Variants in DNAH17 observed in about 807,000 individuals in gnomAD.
The protein encoded by DNAH17 is dynein axonemal heavy chain 17.
A neutral mutation model predicts 485.6 loss-of-function variants in DNAH17; 376 were observed. That is an observed-to-expected ratio of 0.77 (90% CI 0.71 to 0.84). DNAH17 has a LOEUF of 0.84. Among genes scored for constraint, DNAH17 ranks in the 40% least tolerant of loss-of-function variants. The probability of loss-of-function intolerance (pLI) is 0.00; values close to 1 mark genes in which losing one functional copy is unlikely to be tolerated. For synonymous variants in DNAH17, 3,031 were observed against 2,405.9 expected (o/e 1.26, Z -7.60); for missense variants, 6,370 against 5,839.3 (o/e 1.09, Z -2.96).
In DNAH17 at chr17:78,454,537, G is replaced by T; in HGVS notation, c.10339C>A (p.Gln3447Lys). The change falls in exon 64 of 81, where the codon CAA (glutamine) becomes AAA (lysine). Residue 3447 changes from glutamine to lysine, a missense_variant. Coordinates refer to ENST00000389840, the MANE Select transcript of DNAH17 (RefSeq NM_173628.4). ...RWPLIVDAQL[Q>K]GIKWIKNKYR... ...TTGTTTTTGATCCACTTGATTCCTTGGAGCTGGGCGTCCACGATCAGCGGC... is the reference window on the plus strand; with the variant it reads ...TTGTTTTTGATCCACTTGATTCCTTTGAGCTGGGCGTCCACGATCAGCGGC... 1 of 1,613,530 alleles carries T rather than the reference G, an allele frequency of 6.2e-7. No individual in the cohort carries two copies. Among genetic ancestry groups the T allele is most frequent in the African/African-American group, 1.3e-5 (1 of 75,006 alleles).
chr17:78,570,469 T>TC (rs1192749740), intron 6 of DNAH17, 97 bp from the exon 7 acceptor site: 1 of 1,447,004 alleles, frequency 6.9e-7, no homozygotes, highest in Admixed American at 2.3e-5. Flanking sequence ...TCACTGGGTA[T>TC]CCAGCAGAGG....
At position 78,495,158 on chromosome 17, in the gene DNAH17, C is replaced by T. The variant is rs1437821454; in HGVS notation, c.5904-61G>A. 4.6e-6 allele frequency: 7 copies of T among 1,509,990 alleles called. No individual in the cohort carries two copies. The Admixed American group carries it at 1.0e-4, about 22-fold the overall frequency. 93.5% of individuals were successfully genotyped at this position (1,509,990 alleles called of 1,614,324 possible). ...ACTCCCTCCCCAACCTACACCCCTG[C>T]CTGTCCCTCTTCACCTAGGAGAGCA... On this transcript the variant is annotated intron_variant, in intron 38 of 80. Transcript: ENST00000389840.
intron 58 of DNAH17, 106 bp from the exon 59 acceptor site, chr17:78,460,363 C>CACGTGCATGAGTGTATGTGTGCATAT: frequency 6.4e-6 from 1 of 156,326 alleles, no homozygotes. Context: ...TGCATGTATG[C>CACGTGCATGAGTGTATGTGTGCATAT]ACGTGCATGA....
intron 44 of DNAH17, among the ~76,000 whole-genome samples, chr17:78,488,583 G>A (rs532309060): frequency 7.2e-5 from 11 of 151,960 alleles, no homozygotes; most frequent in South Asian, 2.1e-4. Flanking sequence ...TCAGTTCCCC[G>A]GACATTGTCT....
At chr17:78,520,503 G>A (rs1172671205) in intron 25 of DNAH17, among the ~76,000 whole-genome samples, 1 of 152,216 alleles carries the variant, frequency 6.6e-6, no homozygotes, top group African/African-American at 2.4e-5. Flanking sequence ...CCTAGAACTA[G>A]TAAGTGAGTT....
intron 79 of DNAH17, 22 bp downstream of exon 79, chr17:78,426,435 T>G (rs1420253654): frequency 6.3e-7 from 1 of 1,575,714 alleles, no homozygotes; most frequent in Non-Finnish European, 8.6e-7. Context: ...TTAGGAAGCC[T>G]CTCAGAGAAA....
Position 78,513,536 on chromosome 17 carries a change from A to G in DNAH17, c.4113+1238T>C, listed in dbSNP as rs2090693566. On this transcript the variant is annotated intron_variant, in intron 26 of 80. Transcript: ENST00000389840. Reference sequence around the variant, plus strand: ...CTGCAACCTCCACCTCCCAGGTTCAAGCGATTCTCCTGCCTCAGCCACGCA... The same window carrying G: ...CTGCAACCTCCACCTCCCAGGTTCAGGCGATTCTCCTGCCTCAGCCACGCA... Among the ~76,000 whole-genome samples, 3 of 152,116 alleles carry G rather than the reference A, an allele frequency of 2.0e-5. No homozygotes were observed. The South Asian group carries it at 6.2e-4, about 32-fold the overall frequency.
At chr17:78,477,927 C>G (rs1394926770) in intron 51 of DNAH17, among the ~76,000 whole-genome samples, 4 of 149,190 alleles carry the variant, frequency 2.7e-5, no homozygotes, top group Non-Finnish European at 5.9e-5. Context: ...ACCATCACCA[C>G]CATCATCACC....
At chr17:78,480,634 A>C (rs757636107) in intron 49 of DNAH17, 50 bp downstream of exon 49, 9 of 1,499,608 alleles carry the variant, frequency 6.0e-6, no homozygotes, top group South Asian at 1.2e-5. Flanking sequence ...TGCCAGAAGC[A>C]AGCCTCAGAC....
intron 38 of DNAH17, 50 bp downstream of exon 38, chr17:78,495,825 G>A (rs2090050207): frequency 1.3e-6 from 2 of 1,582,090 alleles, no homozygotes; most frequent in Admixed American, 1.7e-5. Flanking sequence ...GGACGTTGCT[G>A]TGGCCGGCCT....
intron 75 of DNAH17, among the ~76,000 whole-genome samples, chr17:78,430,163 G>T (rs1008252574): frequency 6.6e-6 from 1 of 152,284 alleles, no homozygotes; most frequent in South Asian, 2.1e-4. Context: ...TGTTCTTCCC[G>T]CCTCCATGTG....
rs1298984021 is a variant in DNAH17, at chr17:78,574,781, T to C, written c.277A>G (p.Arg93Gly). Residue 93 changes from arginine (R) to glycine (G), a missense_variant, in exon 2 of 81, where the codon AGG becomes GGG. Transcript: ENST00000389840. Reference protein sequence around the residue: ...KSENINKDNYRARLLYGDISP... With the variant: ...KSENINKDNYGARLLYGDISP... ...ATGTCGCCGTAAAGGAGCCGGGCCC[T>C]GTAGTTGTCCTTGTTGATGTTCTCG... is the stretch of plus-strand genomic sequence containing the variant. 6.2e-7 allele frequency: 1 copy of C among 1,613,960 alleles called. No homozygotes were observed. Among genetic ancestry groups the C allele is most frequent in the African/African-American group, 1.3e-5 (1 of 75,036 alleles).
chr17:78,538,064 C>G (rs2091424350), intron 18 of DNAH17, among the ~76,000 whole-genome samples: 1 of 145,236 alleles, frequency 6.9e-6, no homozygotes, highest in East Asian at 2.0e-4. Flanking sequence ...CGCTTGAACC[C>G]AAGAGGCGGA....
chr17:78,458,501 G>A (rs1328239170), intron 62 of DNAH17, 64 bp downstream of exon 62: 22 of 1,401,260 alleles, frequency 1.6e-5, no homozygotes, highest in South Asian at 2.3e-5. Context: ...CAAGGCAGTT[G>A]TGTGGGCTTG....
rs190800238 is a variant in DNAH17, at chr17:78,509,609, C to T, written c.4236+775G>A. Among the ~76,000 whole-genome samples, 745 of 152,166 alleles carry T rather than the reference C, an allele frequency of 4.9e-3. 4 individuals are homozygous for T. Among genetic ancestry groups the T allele is most frequent in the Admixed American group, 9.0e-3 (138 of 15,280 alleles). ...ACAGGCTGAGGAGAGAGATTTGAAC[C>T]GCAAAAGGAGTTTTCCTGGATACTG... On this transcript the variant is annotated intron_variant, in intron 27 of 80. Coordinates refer to ENST00000389840, the MANE Select transcript of DNAH17 (RefSeq NM_173628.4).
intron 19 of DNAH17, among the ~76,000 whole-genome samples, chr17:78,535,168 G>A (rs904233029): frequency 9.8e-5 from 15 of 152,330 alleles, no homozygotes; most frequent in Admixed American, 3.9e-4. Flanking sequence ...AGCTCTGTCT[G>A]CAGCAACCGT....
At chr17:78,571,537 C>T (rs530514103) in intron 4 of DNAH17, 53 bp downstream of exon 4, 51 of 1,599,258 alleles carry the variant, frequency 3.2e-5, no homozygotes, top group East Asian at 2.0e-4. Context: ...GAGCTCGGCC[C>T]GGTCGCCCAG....
At chr17:78,516,990 C>A (rs796722692) in intron 25 of DNAH17, among the ~76,000 whole-genome samples, 33 of 152,298 alleles carry the variant, frequency 2.2e-4, no homozygotes, top group African/African-American at 7.5e-4. Flanking sequence ...TAATTCAATT[C>A]CATTTAAAGT....
intron 11 of DNAH17, among the ~76,000 whole-genome samples, chr17:78,565,196 A>T (rs78965319): frequency 6.6e-6 from 1 of 152,114 alleles, no homozygotes; most frequent in Non-Finnish European, 1.5e-5. Flanking sequence ...CTCTCCCTAC[A>T]CCTGTATCTA....
Sources: allele counts gnomAD v4.1 joint callset (sites outside exome capture counted in the v4.1 genomes callset), GRCh38; gene constraint gnomAD v4.1.1; transcripts MANE v1.5; gene names NCBI Gene and HGNC (gene_info 2026-07-23, HGNC 2026-07-21).